NYAP2: variants seen among roughly 807,000 people sequenced by gnomAD.
NYAP2 encodes neuronal tyrosine-phosphorylated phosphoinositide-3-kinase adaptor 2, also known as neuronal tyrosine-phosphorylated phosphoinositide-3-kinase adapter 2.
NYAP2 carries 23 observed loss-of-function variants against 50.4 expected under a neutral mutation model. That is an observed-to-expected ratio of 0.46 (90% CI 0.33 to 0.65). The LOEUF is 0.65. NYAP2 is among the 30% of genes least tolerant of loss of function. NYAP2 has a pLI of 0.02. For missense variants in NYAP2, 885 were observed against 861.0 expected (o/e 1.03, Z -0.35); for synonymous variants, 394 against 365.2 (o/e 1.08, Z -0.90).
chr2:225,607,807 G>A (rs1232522595), intron 5 of NYAP2, among the ~76,000 whole-genome samples: 1 of 152,112 alleles, frequency 6.6e-6, no homozygotes, highest in East Asian at 1.9e-4. Flanking sequence ...CATTACAGGG[G>A]CCTTAGAGAA....
intron 3 of NYAP2, among the ~76,000 whole-genome samples, chr2:225,495,086 T>G (rs1022379076): frequency 6.6e-6 from 1 of 152,198 alleles, no homozygotes; most frequent in Non-Finnish European, 1.5e-5. Flanking sequence ...TTTTAATAAT[T>G]TACAAGAAAA....
chr2:225,427,399 A>C (rs1010530538), intron 3 of NYAP2, among the ~76,000 whole-genome samples: 18 of 152,340 alleles, frequency 1.2e-4, no homozygotes, highest in African/African-American at 3.6e-4. Context: ...TGTGACAATC[A>C]CAATCCCAAT....
chr2:225,592,518 A>G (rs1478232191), intron 5 of NYAP2, among the ~76,000 whole-genome samples: 1 of 152,308 alleles, frequency 6.6e-6, no homozygotes, highest in East Asian at 1.9e-4. Flanking sequence ...TAAAAATACA[A>G]TTCTTCAAGA....
At chr2:225,674,699 G>T in the NYAP2 span, among the ~76,000 whole-genome samples, 1 of 152,052 alleles carries the variant, frequency 6.6e-6, no homozygotes, top group Non-Finnish European at 1.5e-5. Context: ...TTTGTCAAAA[G>T]TGGAATATAT....
intron 3 of NYAP2, among the ~76,000 whole-genome samples, chr2:225,470,027 C>A (rs959910007): frequency 6.6e-6 from 1 of 151,952 alleles, no homozygotes; most frequent in African/African-American, 2.4e-5. Context: ...TAATAGCTAA[C>A]GGGCCTAACA....
At chr2:225,433,816 CAAAAAAA>C (rs35886164) in intron 3 of NYAP2, among the ~76,000 whole-genome samples, 2 of 62,482 alleles carry the variant, frequency 3.2e-5, no homozygotes, top group African/African-American at 1.5e-4. Flanking sequence ...GACTCCGTCT[CAAAAAAA>C]AAAAAAAAAA....
intron 6 of NYAP2, among the ~76,000 whole-genome samples, chr2:225,635,099 AGCCATTTAT>A (rs1693388507): frequency 6.6e-6 from 1 of 152,198 alleles, no homozygotes; most frequent in African/African-American, 2.4e-5. Context: ...AATAACTCAA[AGCCATTTAT>A]GCTTCAGCCT....
chr2:225,410,290 C>T (rs745850924), intron 3 of NYAP2, among the ~76,000 whole-genome samples: 2 of 151,990 alleles, frequency 1.3e-5, no homozygotes, highest in Non-Finnish European at 2.9e-5. Flanking sequence ...CATAATTGAT[C>T]AACATTTTCA....
chr2:225,433,749 G>A (rs1198555131), intron 3 of NYAP2, among the ~76,000 whole-genome samples: 1 of 146,322 alleles, frequency 6.8e-6, no homozygotes, highest in East Asian at 2.0e-4. Context: ...CCCGGGAGGC[G>A]GAGCTCGCAG....
chr2:225,423,613 G>A (rs969925850), intron 3 of NYAP2, among the ~76,000 whole-genome samples: 1 of 152,228 alleles, frequency 6.6e-6, no homozygotes, highest in African/African-American at 2.4e-5. Flanking sequence ...CCTGGTGTTC[G>A]CCTAGACAAG....
intron 3 of NYAP2, among the ~76,000 whole-genome samples, chr2:225,480,508 G>A (rs1210811124): frequency 2.6e-5 from 4 of 152,070 alleles, no homozygotes; most frequent in Non-Finnish European, 4.4e-5. Flanking sequence ...ATTCAAAATG[G>A]ACATGCCGAG....
chr2:225,408,348 C>A lies in NYAP2; in HGVS notation c.-17-516C>A, dbSNP rs555845311. Among the ~76,000 whole-genome samples, 6 of 152,068 alleles carry A rather than the reference C, an allele frequency of 3.9e-5. No homozygotes were observed. The South Asian group carries it at 1.2e-3, about 32-fold the overall frequency. On this transcript the variant is annotated intron_variant, in intron 2 of 6. Coordinates refer to ENST00000636099, the Ensembl canonical transcript of NYAP2. Reference sequence around the variant, plus strand: ...ATATTAGAAATGTGTTTTTCTTTTACTACTACTATATTTTGCATACATAGT... The same window carrying A: ...ATATTAGAAATGTGTTTTTCTTTTAATACTACTATATTTTGCATACATAGT...
At chr2:225,443,919 C>A (rs542513609) in intron 3 of NYAP2, among the ~76,000 whole-genome samples, 4 of 152,178 alleles carry the variant, frequency 2.6e-5, no homozygotes, top group Admixed American at 6.5e-5. Flanking sequence ...AGATCAAATT[C>A]TTGACCTTGT....
At chr2:225,536,078 GC>G (rs1382250163) in intron 4 of NYAP2, among the ~76,000 whole-genome samples, 5 of 152,154 alleles carry the variant, frequency 3.3e-5, no homozygotes, top group African/African-American at 4.8e-5. Flanking sequence ...AAACATAGCA[GC>G]CATAGCTATT....
chr2:225,496,580 CA>C (rs1279863117), intron 3 of NYAP2, among the ~76,000 whole-genome samples: 1 of 152,000 alleles, frequency 6.6e-6, no homozygotes, highest in Admixed American at 6.6e-5. Flanking sequence ...AAAACAAAAA[CA>C]AAAACAATAA....
At chr2:225,542,132 C>A (rs1691486098) in intron 4 of NYAP2, among the ~76,000 whole-genome samples, 1 of 152,090 alleles carries the variant, frequency 6.6e-6, no homozygotes, top group African/African-American at 2.4e-5. Flanking sequence ...TTGTATCCTG[C>A]AACTTTACTG....
chr2:225,583,067 G>A, intron 5 of NYAP2, 32 bp downstream of exon 5: 1 of 1,592,128 alleles, frequency 6.3e-7, no homozygotes, highest in South Asian at 1.1e-5. Flanking sequence ...GAGCCCCAGA[G>A]CCCAGTGCCA....
At chr2:225,554,341 G>T (rs1275969207) in intron 4 of NYAP2, among the ~76,000 whole-genome samples, 9 of 133,200 alleles carry the variant, frequency 6.8e-5, no homozygotes, top group Non-Finnish European at 1.3e-4. Context: ...TTTTTTTTGA[G>T]ACAGAATCTC....
the NYAP2 span, among the ~76,000 whole-genome samples, chr2:225,664,419 GA>G: frequency 2.0e-5 from 3 of 152,182 alleles, no homozygotes; most frequent in East Asian, 5.8e-4. Flanking sequence ...AGTGGAAACG[GA>G]TTAGTATGTC....
Sources: gnomAD v4.1 joint callset for allele counts (sites outside exome capture counted in the v4.1 genomes callset) on GRCh38, gnomAD v4.1.1 for gene constraint, MANE v1.5 for transcripts, NCBI Gene and HGNC (gene_info 2026-07-23, HGNC 2026-07-21) for gene names.